The following ALPK2 variants were observed in gnomAD, a reference collection of about 807,000 sequenced individuals.
ALPK2 encodes the protein alpha kinase 2.
ALPK2 carries 127 observed loss-of-function variants against 163.1 expected under a neutral mutation model. The observed-to-expected ratio is 0.78, with a 90% CI of 0.67 to 0.90. The LOEUF is 0.90. ALPK2 is among the 40% of genes least tolerant of loss of function. The probability of loss-of-function intolerance (pLI) is 0.00; values close to 1 mark genes in which losing one functional copy is unlikely to be tolerated. For synonymous variants in ALPK2, 953 were observed against 959.1 expected (o/e 0.99, Z 0.12); for missense variants, 2,360 against 2,589.6 (o/e 0.91, Z 1.92).
chr18:58,597,729 G>T (rs1395875830), intron 3 of ALPK2, among the ~76,000 whole-genome samples: 1 of 152,200 alleles, frequency 6.6e-6, no homozygotes, highest in African/African-American at 2.4e-5. Context: ...AGCTGTGCTA[G>T]CTACTGAATT....
At chr18:58,549,583 G>C (rs1282616960) in intron 4 of ALPK2, among the ~76,000 whole-genome samples, 1 of 152,212 alleles carries the variant, frequency 6.6e-6, no homozygotes, top group Non-Finnish European at 1.5e-5. Flanking sequence ...ATGGTGGCTT[G>C]AAAATTCACA....
At chr18:58,517,721 CT>C (rs949775353) in intron 8 of ALPK2, among the ~76,000 whole-genome samples, 1 of 150,930 alleles carries the variant, frequency 6.6e-6, no homozygotes, top group African/African-American at 2.4e-5. Flanking sequence ...AAAAGAGTAA[CT>C]TTTTTTTTGC....
At chr18:58,523,359 G>C (rs1472208995) in intron 8 of ALPK2, among the ~76,000 whole-genome samples, 1 of 151,960 alleles carries the variant, frequency 6.6e-6, no homozygotes, top group African/African-American at 2.4e-5. Flanking sequence ...ATTGTGAATA[G>C]TGCCTCAATA....
chr18:58,597,740 A>G (rs1257900459), intron 3 of ALPK2, among the ~76,000 whole-genome samples: 1 of 152,180 alleles, frequency 6.6e-6, no homozygotes, highest in Non-Finnish European at 1.5e-5. Flanking sequence ...CTACTGAATT[A>G]TGTCCCCCAC....
rs780344178 is a variant in ALPK2 at position 58,536,586 on chromosome 18, C to G, written c.3601G>C (p.Gly1201Arg). 1 of 1,614,154 alleles carries G rather than the reference C, an allele frequency of 6.2e-7. No homozygotes were observed. Among genetic ancestry groups the G allele is most frequent in the South Asian group, 1.1e-5 (1 of 91,070 alleles). ...TRVSVVAETA[G>R]EEDSQALSNV... ...CTCAGAGCCTGACTGTCTTCTTCCCCAGCAGTTTCAGCCACCACGGAGACC... is the reference window on the plus strand; with the variant it reads ...CTCAGAGCCTGACTGTCTTCTTCCCGAGCAGTTTCAGCCACCACGGAGACC... The change falls in exon 5 of 13, where the codon GGG becomes CGG. Residue 1201 changes from glycine to arginine, a missense_variant. Transcript: ENST00000361673.
intron 10 of ALPK2, 77 bp downstream of exon 10, chr18:58,514,916 G>C: frequency 8.8e-7 from 1 of 1,139,882 alleles, no homozygotes; most frequent in Admixed American, 2.1e-5. Flanking sequence ...TTGCCCTACT[G>C]TTCCTTCTCA....
At chr18:58,482,276 G>A (rs1334711510) in intron 12 of ALPK2, among the ~76,000 whole-genome samples, 1 of 152,116 alleles carries the variant, frequency 6.6e-6, no homozygotes, top group Admixed American at 6.6e-5. Flanking sequence ...AGGTCTTGGA[G>A]TATCCAGGGG....
At chr18:58,551,995 A>G (rs77221623) in intron 4 of ALPK2, among the ~76,000 whole-genome samples, 1 of 152,142 alleles carries the variant, frequency 6.6e-6, no homozygotes, top group East Asian at 1.9e-4. Flanking sequence ...AATTTAAGAG[A>G]TGAAGGAGTA....
intron 5 of ALPK2, 113 bp downstream of exon 5, chr18:58,534,721 G>T: frequency 2.2e-6 from 3 of 1,373,378 alleles, no homozygotes; most frequent in Non-Finnish European, 2.9e-6. Flanking sequence ...TAGCATCAAT[G>T]CCCACCTGGG....
chr18:58,604,612 T>G (rs565355260), intron 3 of ALPK2, among the ~76,000 whole-genome samples: 1 of 152,206 alleles, frequency 6.6e-6, no homozygotes, highest in Non-Finnish European at 1.5e-5. Flanking sequence ...GCATACTTAC[T>G]GCTAAGCAGC....
intron 1 of ALPK2, among the ~76,000 whole-genome samples, chr18:58,613,709 AATAAT>A (rs1207897303): frequency 0.015 from 234 of 15,104 alleles, 4 homozygotes; most frequent in Admixed American, 0.03. Context: ...AAAAAAAAAA[AATAAT>A]AATAATAATA....
At chr18:58,512,666 GTGTGTGTGGTA>G (rs1301305455) in intron 10 of ALPK2, among the ~76,000 whole-genome samples, 7 of 150,710 alleles carry the variant, frequency 4.6e-5, no homozygotes, top group Non-Finnish European at 5.9e-5. Context: ...TGTGCTGTGT[GTGTGTGTGGTA>G]TGTGTGTGGT....
rs368286773 is a variant in ALPK2 at position 58,567,050 on chromosome 18, G to A, written c.1962+11764C>T. Among the ~76,000 whole-genome samples the A allele has an allele frequency of 1.2e-3, 180 of 151,840 alleles. 2 individuals carry two copies. The South Asian group carries it at 0.035, about 30-fold the overall frequency. On this transcript the variant is annotated intron_variant, in intron 4 of 12. Coordinates refer to ENST00000361673, the MANE Select transcript of ALPK2 (RefSeq NM_052947.4). ...ACAGCATATTAAAAATGCAGGTTCA[G>A]GCCTGCATTTATTTCTCAGACAGCA...
rs1360792615 is a variant in ALPK2, at chr18:58,481,848, T to A, written c.6488A>T (p.Glu2163Val). ...TTAGGTTTTCTTTTCGCCTGGGGTC[T>A]CAGGCCCTGCCTTCTTTATTGTCAT... ...NSMTIKKAGP[E>V]TPGEKKT is the part of the protein sequence containing the mutation. Residue 2163 changes from glutamate (E) to valine (V), a missense_variant, in exon 13 of 13, where the codon GAG becomes GTG. By Grantham distance (121) the Glu-to-Val change is moderately radical (BLOSUM62 -2). Coordinates refer to ENST00000361673, the MANE Select transcript of ALPK2 (RefSeq NM_052947.4). 6.2e-7 allele frequency: 1 copy of A among 1,614,096 alleles called. No individual in the cohort carries two copies. The highest frequency in any genetic ancestry group is 8.5e-7 in the Non-Finnish European group (1 of 1,180,042).
chr18:58,574,575 T>C (rs12963859), intron 4 of ALPK2, among the ~76,000 whole-genome samples: 24,339 of 151,752 alleles, frequency 0.16, 2,159 homozygotes, highest in African/African-American at 0.22. Flanking sequence ...TGGCAGGACA[T>C]GAACCCAGTT....
At chr18:58,500,113 C>G (rs903554170) in intron 11 of ALPK2, among the ~76,000 whole-genome samples, 3 of 152,140 alleles carry the variant, frequency 2.0e-5, no homozygotes, top group Non-Finnish European at 2.9e-5. Flanking sequence ...TTGGGAGAAC[C>G]AGTGACCATT....
chr18:58,607,578 A>C (rs1383074143), intron 2 of ALPK2, 139 bp from the exon 3 acceptor site: 2 of 586,606 alleles, frequency 3.4e-6, no homozygotes, highest in Non-Finnish European at 5.9e-6. Flanking sequence ...GAGGAATTGA[A>C]AAGCCTTCTT....
At chr18:58,529,488 T>A (rs1200048427) in intron 5 of ALPK2, among the ~76,000 whole-genome samples, 1 of 152,184 alleles carries the variant, frequency 6.6e-6, no homozygotes, top group African/African-American at 2.4e-5. Flanking sequence ...TAAAGTGAAA[T>A]AGAACTTGAG....
intron 11 of ALPK2, among the ~76,000 whole-genome samples, chr18:58,502,095 G>A (rs1279406104): frequency 6.7e-6 from 1 of 148,558 alleles, no homozygotes; most frequent in Non-Finnish European, 1.5e-5. Context: ...GAGTCCAGGA[G>A]TTCAAGACCA....
Sources: gnomAD v4.1 joint callset for allele counts (sites outside exome capture counted in the v4.1 genomes callset) on GRCh38, gnomAD v4.1.1 for gene constraint, MANE v1.5 for transcripts, NCBI Gene and HGNC (gene_info 2026-07-23, HGNC 2026-07-21) for gene names.